The following NXNL1 variants were observed in gnomAD, a reference collection of about 807,000 sequenced individuals.
The protein encoded by NXNL1 is nucleoredoxin-like protein 1.
Under a neutral mutation model 7.2 loss-of-function variants are expected in NXNL1, and 6 were observed. The ratio of observed to expected loss-of-function variants is 0.83; its 90% confidence interval spans 0.46 to 1.64. The LOEUF is 1.64. Ranked by LOEUF, NXNL1 falls within the 40% of genes most tolerant of loss-of-function variation. The pLI is 0.01. For synonymous variants in NXNL1, 133 were observed against 127.2 expected (o/e 1.05, Z -0.31); for missense variants, 308 against 285.1 (o/e 1.08, Z -0.58).
chr19:17,456,578 G>A (rs554461962), intron 1 of NXNL1, among the ~76,000 whole-genome samples: 10 of 152,130 alleles, frequency 6.6e-5, no homozygotes, highest in Admixed American at 1.3e-4. Flanking sequence ...CATCATGTAT[G>A]GTTTTTAAAA....
chr19:17,455,663 G>GCCCCCCCCCCCCCCCCCCCC lies in NXNL1; in HGVS notation c.622_623insGGGGGGGGGGGGGGGGGGGG (p.Ala208GlyfsTer63). The GCCCCCCCCCCCCCCCCCCCC allele has an allele frequency of 2.6e-6, 2 of 771,714 alleles. No homozygotes were observed. Among genetic ancestry groups the GCCCCCCCCCCCCCCCCCCCC allele is most frequent in the East Asian group, 2.8e-5 (1 of 36,240 alleles). 47.8% of individuals were successfully genotyped at this position (771,714 alleles called of 1,614,324 possible). On this transcript the variant is annotated frameshift_variant, in exon 2 of 2. Coordinates refer to ENST00000301944, the MANE Select transcript of NXNL1 (RefSeq NM_138454.2). LOFTEE classifies it high-confidence loss of function. ...CCTAGCGGGTCAGAACAGCCCCCCGGCCCCGCCCTCCTCCCCACCCCCTCC... is the reference window on the plus strand; with the variant it reads ...CCTAGCGGGTCAGAACAGCCCCCCGGCCCCCCCCCCCCCCCCCCCCCCCCGCCCTCCTCCCCACCCCCTCC...
At chr19:17,460,391 A>G (rs12984622) in intron 1 of NXNL1, among the ~76,000 whole-genome samples, 153 bp downstream of exon 1, 129,296 of 152,082 alleles carry the variant, frequency 0.85, 55,970 homozygotes, top group Non-Finnish European at 0.91. Context: ...CATGGAAGCC[A>G]GCATGTGGAA....
Position 17,460,530 on chromosome 19 carries a change from C to T in NXNL1, c.326+14G>A. ...TGCCCCCTCCTCCAGGAAGCCCTCC[C>T]TGCCCCTCCTCACCTCCTCAGATCA... is the stretch of plus-strand genomic sequence containing the variant. On this transcript the variant is annotated intron_variant, in intron 1 of 1. Transcript: ENST00000301944. 1 of 1,599,356 alleles carries T rather than the reference C, an allele frequency of 6.3e-7. No homozygotes were observed. The highest frequency in any genetic ancestry group is 1.3e-5 in the African/African-American group (1 of 75,024).
In NXNL1 at chr19:17,460,570, G is replaced by A; in HGVS notation, c.300C>T (p.Phe100=). 1.9e-6 allele frequency: 3 copies of A among 1,602,326 alleles called. No homozygotes were observed. The highest frequency in any genetic ancestry group is 2.5e-6 in the Non-Finnish European group (3 of 1,179,966). ...FLKDMPKKWL[F]LPFEDDLRRD... is the part of the protein sequence containing the mutation. ...TCCTCAGATCATCCTCAAAGGGCAG[G>A]AAAAGCCATTTCTTTGGCATGTCCT... Residue 100 remains phenylalanine, a synonymous_variant, in exon 1 of 2, where the codon TTC becomes TTT. Coordinates refer to ENST00000301944, the MANE Select transcript of NXNL1 (RefSeq NM_138454.2).
Position 17,455,663 on chromosome 19 carries a change from G to GCCCCCCCCCCCCCCCCCCCCCCCC in NXNL1, c.622_623insGGGGGGGGGGGGGGGGGGGGGGGG (p.Gly207_Ala208insGlyGlyGlyGlyGlyGlyGlyGly). 1 of 771,716 alleles carries GCCCCCCCCCCCCCCCCCCCCCCCC rather than the reference G, an allele frequency of 1.3e-6. No homozygotes were observed. The allele number at this position is 771,716 out of a possible 1,614,324, so 47.8% of individuals were successfully genotyped here. ...CCTAGCGGGTCAGAACAGCCCCCCGGCCCCGCCCTCCTCCCCACCCCCTCC... is the reference window on the plus strand; with the variant it reads ...CCTAGCGGGTCAGAACAGCCCCCCGGCCCCCCCCCCCCCCCCCCCCCCCCCCCCGCCCTCCTCCCCACCCCCTCC... On this transcript the variant is annotated inframe_insertion, in exon 2 of 2. Coordinates refer to ENST00000301944, the MANE Select transcript of NXNL1 (RefSeq NM_138454.2).
Position 17,460,582 on chromosome 19 carries a change from C to A in NXNL1, c.288G>T (p.Lys96Asn). Residue 96 changes from lysine (K) to asparagine (N), a missense_variant, in exon 1 of 2, where the codon AAG becomes AAT. Lys to Asn is a moderately conservative substitution (Grantham distance 94). Coordinates refer to ENST00000301944, the MANE Select transcript of NXNL1 (RefSeq NM_138454.2). ...QQDLFLKDMP[K>N]KWLFLPFEDD... is the part of the protein sequence containing the mutation. The stretch of plus-strand genomic sequence containing the variant: ...CCTCAAAGGGCAGGAAAAGCCATTT[C>A]TTTGGCATGTCCTTGAGGAACAGGT... 1 of 1,604,670 alleles carries A rather than the reference C, an allele frequency of 6.2e-7. No homozygotes were observed. Among genetic ancestry groups the A allele is most frequent in the Non-Finnish European group, 8.5e-7 (1 of 1,179,974 alleles).
Position 17,455,668 on chromosome 19 carries a change from G to GCCCCCCCCCCCCC in NXNL1, c.617_618insGGGGGGGGGGGGG (p.Ala208GlyfsTer13). ...CGGGTCAGAACAGCCCCCCGGCCCC[G>GCCCCCCCCCCCCC]CCCTCCTCCCCACCCCCTCCCCCGG... On this transcript the variant is annotated frameshift_variant, in exon 2 of 2. Transcript: ENST00000301944. LOFTEE classifies it high-confidence loss of function. 2 of 330,284 alleles carry GCCCCCCCCCCCCC rather than the reference G, an allele frequency of 6.1e-6. No individual in the cohort carries two copies. Among genetic ancestry groups the GCCCCCCCCCCCCC allele is most frequent in the Non-Finnish European group, 9.3e-6 (2 of 214,740 alleles). The allele number at this position is 330,284 out of a possible 1,614,324, so 20.5% of individuals were successfully genotyped here.
chr19:17,460,689 G>A lies in NXNL1; in HGVS notation c.181C>T (p.Leu61Phe). 6.2e-7 allele frequency: 1 copy of A among 1,613,838 alleles called. No individual in the cohort carries two copies. Among genetic ancestry groups the A allele is most frequent in the Non-Finnish European group, 8.5e-7 (1 of 1,180,044 alleles). ...CGCAGTACATAGAACTCATCTGTGA[G>A]CCGCACGAAGAAGTCCTTGAGGATG... is the stretch of plus-strand genomic sequence containing the variant. ...VPILKDFFVR[L>F]TDEFYVLRAA... Residue 61 changes from leucine to phenylalanine, a missense_variant, in exon 1 of 2, where the codon CTC becomes TTC. Coordinates refer to ENST00000301944, the MANE Select transcript of NXNL1 (RefSeq NM_138454.2).
chr19:17,456,328 A>AAATT (rs1206832431), intron 1 of NXNL1, among the ~76,000 whole-genome samples: 2 of 150,944 alleles, frequency 1.3e-5, no homozygotes, highest in Non-Finnish European at 3.0e-5. Context: ...ATAAATAAAT[A>AAATT]AATAAATAAA....
intron 1 of NXNL1, among the ~76,000 whole-genome samples, chr19:17,456,908 G>A (rs1029401543): frequency 1.3e-5 from 2 of 152,036 alleles, no homozygotes; most frequent in African/African-American, 2.4e-5. Context: ...AATTAGCCGG[G>A]TGTGGTGGCA....
chr19:17,459,408 A>G (rs1423162418), intron 1 of NXNL1, among the ~76,000 whole-genome samples: 3 of 105,376 alleles, frequency 2.8e-5, no homozygotes, highest in South Asian at 5.4e-4. Context: ...TTTATTTATT[A>G]CATTTTTTAT....
At chr19:17,457,331 A>C (rs1001564523) in intron 1 of NXNL1, among the ~76,000 whole-genome samples, 1 of 152,154 alleles carries the variant, frequency 6.6e-6, no homozygotes, top group Non-Finnish European at 1.5e-5. Flanking sequence ...GGACATACTT[A>C]TACTAAAGAA....
chr19:17,457,578 G>A (rs763468295), intron 1 of NXNL1, among the ~76,000 whole-genome samples: 10 of 151,536 alleles, frequency 6.6e-5, no homozygotes, highest in Non-Finnish European at 1.2e-4. Context: ...TTGCTATGTT[G>A]CCCAGGCTGG....
Position 17,455,725 on chromosome 19 carries a change from G to T in NXNL1, c.561C>A (p.Arg187=). ...GCCCGCCTCGCGCCGCCTTTTCCACGCGGTACTTGTGGCGGCGCAGGCACT... is the reference window on the plus strand; with the variant it reads ...GCCCGCCTCGCGCCGCCTTTTCCACTCGGTACTTGTGGCGGCGCAGGCACT... ...LTECLRRHKY[R]VEKAARGGRD... Residue 187 remains arginine, a synonymous_variant, in exon 2 of 2, where the codon CGC becomes CGA. Coordinates refer to ENST00000301944, the MANE Select transcript of NXNL1 (RefSeq NM_138454.2). 1 of 1,106,522 alleles carries T rather than the reference G, an allele frequency of 9.0e-7. No homozygotes were observed. 68.5% of individuals were successfully genotyped at this position (1,106,522 alleles called of 1,614,324 possible).
intron 1 of NXNL1, among the ~76,000 whole-genome samples, chr19:17,456,238 A>G (rs1417489131): frequency 6.6e-6 from 1 of 151,970 alleles, no homozygotes; most frequent in Non-Finnish European, 1.5e-5. Context: ...AAGACCCTGT[A>G]GTATGGAGAC....
chr19:17,455,626 C>A lies in NXNL1; in HGVS notation c.*21G>T, dbSNP rs1176390904. ...TGGAGGTTCATCAACAAACCCCACT[C>A]CTCTCCTCCACCCTAGCGGGTCAGA... On this transcript the variant is annotated 3_prime_UTR_variant, in exon 2 of 2. Transcript: ENST00000301944. 7.4e-7 allele frequency: 1 copy of A among 1,342,708 alleles called. No individual in the cohort carries two copies. The highest frequency in any genetic ancestry group is 1.0e-6 in the Non-Finnish European group (1 of 976,740). 83.2% of individuals were successfully genotyped at this position (1,342,708 alleles called of 1,614,324 possible). A position where few individuals can be genotyped will look rare whatever the true frequency, so the allele number is the denominator to read the frequency against.
In NXNL1 at chr19:17,455,723, A is replaced by T. The variant is rs2074990203; in HGVS notation, c.563T>A (p.Val188Glu). The part of the protein sequence containing the change: ...TECLRRHKYR[V>E]EKAARGGRDP... ...GCGCCCGCCTCGCGCCGCCTTTTCC[A>T]CGCGGTACTTGTGGCGGCGCAGGCA... Residue 188 changes from valine (V) to glutamate (E), a missense_variant, in exon 2 of 2, where the codon GTG becomes GAG. Transcript: ENST00000301944. 8.0e-7 allele frequency: 1 copy of T among 1,249,172 alleles called. No individual in the cohort carries two copies. Among genetic ancestry groups the T allele is most frequent in the African/African-American group, 2.0e-5 (1 of 50,928 alleles). 77.4% of individuals were successfully genotyped at this position (1,249,172 alleles called of 1,614,324 possible).
intron 1 of NXNL1, among the ~76,000 whole-genome samples, chr19:17,458,154 T>C (rs920749707): frequency 2.0e-4 from 31 of 152,122 alleles, no homozygotes; most frequent in African/African-American, 6.8e-4. Flanking sequence ...TGGGTTTCAT[T>C]GTACACTTCT....
rs2074989340 is a variant in NXNL1, at chr19:17,455,660, C to G, written c.626G>C (p.Gly209Ala). Reference protein sequence around the residue: ...GGGGGEEGGAGGLF With the variant: ...GGGGGEEGGAAGLF ...CACCCTAGCGGGTCAGAACAGCCCC[C>G]CGGCCCCGCCCTCCTCCCCACCCCC... is the stretch of plus-strand genomic sequence containing the variant. Residue 209 changes from glycine (G) to alanine (A), a missense_variant, in exon 2 of 2, where the codon GGG becomes GCG. Gly to Ala is a moderately conservative substitution (Grantham distance 60). Transcript: ENST00000301944. 1 of 866,016 alleles carries G rather than the reference C, an allele frequency of 1.2e-6. No homozygotes were observed. The highest frequency in any genetic ancestry group is 1.8e-6 in the Non-Finnish European group (1 of 541,584). 53.6% of individuals were successfully genotyped at this position (866,016 alleles called of 1,614,324 possible).
Sources: allele counts gnomAD v4.1 joint callset (sites outside exome capture counted in the v4.1 genomes callset), GRCh38; gene constraint gnomAD v4.1.1; transcripts MANE v1.5; gene names NCBI Gene and HGNC (gene_info 2026-07-23, HGNC 2026-07-21).